The following KIRREL3 variants were observed in gnomAD, a reference collection of about 807,000 sequenced individuals.
KIRREL3 encodes the protein kin of IRRE-like protein 3.
In KIRREL3, 36 loss-of-function variants were observed where a neutral mutation model predicts 89.7. The observed-to-expected ratio is 0.40, with a 90% confidence interval of 0.31 to 0.53. KIRREL3 has a LOEUF of 0.53. KIRREL3 is among the 20% of genes least tolerant of loss of function. KIRREL3 has a pLI of 0.49. For synonymous variants in KIRREL3, 445 were observed against 441.4 expected (o/e 1.01, Z -0.10); for missense variants, 864 against 1,056.6 (o/e 0.82, Z 2.53).
chr11:126,490,658 G>A lies in KIRREL3; in HGVS notation c.434-17192C>T, dbSNP rs1957487035. Among the ~76,000 whole-genome samples the A allele has an allele frequency of 6.6e-6, 1 of 152,210 alleles. No individual in the cohort carries two copies. Among genetic ancestry groups the A allele is most frequent in the Non-Finnish European group, 1.5e-5 (1 of 68,052 alleles). ...ATAAAATAAGAGGGATAATAATTCTGTGAAGGTTAGGAGAAGTTCCATGGG... is the reference window on the plus strand; with the variant it reads ...ATAAAATAAGAGGGATAATAATTCTATGAAGGTTAGGAGAAGTTCCATGGG... On this transcript the variant is annotated intron_variant, in intron 4 of 16. Coordinates refer to ENST00000525144, the MANE Select transcript of KIRREL3 (RefSeq NM_032531.4). This position sits in a 1 kb window ranked among gnomAD's most constrained non-coding sequence, Gnocchi z 4.2.
At chr11:126,986,082 TGGGGATGCACACA>T (rs1424962910) in intron 1 of KIRREL3, among the ~76,000 whole-genome samples, 1 of 152,136 alleles carries the variant, frequency 6.6e-6, no homozygotes, top group African/African-American at 2.4e-5. Context: ...CTCAGCCACC[TGGGGATGCACACA>T]GGGTGTACAC....
chr11:126,501,000 T>G (rs1280240026), intron 4 of KIRREL3, among the ~76,000 whole-genome samples: 1 of 152,222 alleles, frequency 6.6e-6, no homozygotes, highest in African/African-American at 2.4e-5. Context: ...ATGTCAGCCT[T>G]TCCCCTTCTG....
At chr11:126,784,020 C>T (rs1452309448) in intron 1 of KIRREL3, among the ~76,000 whole-genome samples, 5 of 152,196 alleles carry the variant, frequency 3.3e-5, no homozygotes, top group East Asian at 3.9e-4. Context: ...AAATCCCCAT[C>T]GAGGGACACT....
chr11:126,813,833 C>T (rs1210388580), intron 1 of KIRREL3, among the ~76,000 whole-genome samples: 2 of 151,042 alleles, frequency 1.3e-5, no homozygotes, highest in African/African-American at 2.4e-5. Flanking sequence ...TAGGCAATAC[C>T]ATTCAGAACA....
In KIRREL3 at chr11:126,834,711, C is replaced by T. The variant is rs141555735; in HGVS notation, c.55+165744G>A. On this transcript the variant is annotated intron_variant, in intron 1 of 16. Coordinates refer to ENST00000525144, the MANE Select transcript of KIRREL3 (RefSeq NM_032531.4). Reference sequence around the variant, plus strand: ...CAACATCCTTGAAGGCCTTCCTCACCGGCGCACCTCATGCTGGACTGCATA... The same window carrying T: ...CAACATCCTTGAAGGCCTTCCTCACTGGCGCACCTCATGCTGGACTGCATA... 8.5e-5 allele frequency among the ~76,000 whole-genome samples: 13 copies of T among 152,332 alleles called. No homozygotes were observed. In the East Asian group the frequency reaches 1.9e-3, roughly 23 times the overall value.
chr11:126,760,418 A>T (rs546216644), intron 1 of KIRREL3, among the ~76,000 whole-genome samples: 2 of 152,304 alleles, frequency 1.3e-5, no homozygotes, highest in South Asian at 2.1e-4. Flanking sequence ...TTCAGTTCGC[A>T]TTTCTGGGAA....
intron 1 of KIRREL3, among the ~76,000 whole-genome samples, chr11:126,799,411 TGTGCGTCTCTG>T: frequency 1.5e-5 from 2 of 129,938 alleles, no homozygotes; most frequent in African/African-American, 3.0e-5. Flanking sequence ...TCTATCTGTG[TGTGCGTCTCTG>T]TGTGCATGTG....
intron 1 of KIRREL3, among the ~76,000 whole-genome samples, chr11:126,588,583 C>T (rs575680426): frequency 3.9e-5 from 6 of 152,282 alleles, no homozygotes; most frequent in East Asian, 1.9e-4. Context: ...GCCTTGCACG[C>T]GCCCTGGGCA....
At position 126,523,766 on chromosome 11, in the gene KIRREL3, C is replaced by T. The variant is rs1313468756; in HGVS notation, c.284-2302G>A. Among the ~76,000 whole-genome samples, 1 of 152,186 alleles carries T rather than the reference C, an allele frequency of 6.6e-6. No homozygotes were observed. The highest frequency in any genetic ancestry group is 2.4e-5 in the African/African-American group (1 of 41,456). ...CTGGCTACCCCCAGCCCCTCCAGCC[C>T]AGCCTCTGGATCCCACTATCCTGTG... On this transcript the variant is annotated intron_variant, in intron 3 of 16. Transcript: ENST00000525144. The surrounding 1 kb of genome is among the most constrained non-coding windows in gnomAD (Gnocchi z 4.9).
rs1948415523 is a variant in KIRREL3 at position 126,940,799 on chromosome 11, C to A, written c.55+59656G>T. On this transcript the variant is annotated intron_variant, in intron 1 of 16. Coordinates refer to ENST00000525144, the MANE Select transcript of KIRREL3 (RefSeq NM_032531.4). The surrounding 1 kb of genome is among the most constrained non-coding windows in gnomAD (Gnocchi z 4.6). ...CCTCTGTAGGCAGTAATTCTTTTTT[C>A]TTTTCTTTCTTTTTTTTTTCTTTTG... 6.6e-6 allele frequency: 1 copy of A among 151,944 alleles called. No homozygotes were observed. The highest frequency in any genetic ancestry group is 1.5e-5 in the Non-Finnish European group (1 of 67,984). 9.4% of individuals were successfully genotyped at this position (151,944 alleles called of 1,614,324 possible).
At chr11:126,726,481 C>G (rs7112083) in intron 1 of KIRREL3, among the ~76,000 whole-genome samples, 57,558 of 152,054 alleles carry the variant, frequency 0.38, 11,326 homozygotes, top group Non-Finnish European at 0.43. Context: ...GATTCTCCTG[C>G]CTCAGCTTCC....
intron 1 of KIRREL3, among the ~76,000 whole-genome samples, chr11:126,789,983 C>T (rs1177538925): frequency 6.6e-6 from 1 of 152,188 alleles, no homozygotes; most frequent in Non-Finnish European, 1.5e-5. Flanking sequence ...CATAGGACCT[C>T]AAAACGACAC....
chr11:126,794,549 A>G (rs1033466142), intron 1 of KIRREL3, among the ~76,000 whole-genome samples: 1 of 152,256 alleles, frequency 6.6e-6, no homozygotes, highest in African/African-American at 2.4e-5. Context: ...AACATGTCCA[A>G]TAATATTGAT....
At chr11:126,448,676 C>T (rs1378163877) in intron 8 of KIRREL3, among the ~76,000 whole-genome samples, 1 of 152,140 alleles carries the variant, frequency 6.6e-6, no homozygotes, top group Non-Finnish European at 1.5e-5. Context: ...CCATGGGATG[C>T]CACAGCAAGA....
intron 1 of KIRREL3, among the ~76,000 whole-genome samples, chr11:126,646,224 T>C (rs1944663874): frequency 6.6e-6 from 1 of 152,312 alleles, no homozygotes; most frequent in East Asian, 1.9e-4. Context: ...GTTTGTGCTC[T>C]AGCATCTGTG....
At chr11:126,833,902 C>T (rs2134497627) in intron 1 of KIRREL3, among the ~76,000 whole-genome samples, 2 of 152,324 alleles carry the variant, frequency 1.3e-5, no homozygotes, top group Middle Eastern at 3.4e-3. Flanking sequence ...CTGCTGCTTC[C>T]TAAAGCTTTA....
At chr11:126,451,590 G>C (rs1054130880) in intron 7 of KIRREL3, among the ~76,000 whole-genome samples, 2 of 150,830 alleles carry the variant, frequency 1.3e-5, no homozygotes, top group African/African-American at 4.9e-5. Context: ...GTGCGTGTGT[G>C]TACATGTGTG....
chr11:126,907,396 T>A (rs1271677104), intron 1 of KIRREL3, among the ~76,000 whole-genome samples: 1 of 152,130 alleles, frequency 6.6e-6, no homozygotes, highest in African/African-American at 2.4e-5. Flanking sequence ...AAGGCTGCGA[T>A]AGAGAGGAAA....
In KIRREL3 at chr11:126,948,750, G is replaced by A. The variant is rs537017477; in HGVS notation, c.55+51705C>T. ...ACGCCATCCATAGGGTAAACAAAGTGGTACAATGGTTAGTTCAACTCCAGC... is the reference window on the plus strand; with the variant it reads ...ACGCCATCCATAGGGTAAACAAAGTAGTACAATGGTTAGTTCAACTCCAGC... On this transcript the variant is annotated intron_variant, in intron 1 of 16. Transcript: ENST00000525144. This position sits in a 1 kb window ranked among gnomAD's most constrained non-coding sequence, Gnocchi z 4.5. 6.6e-6 allele frequency among the ~76,000 whole-genome samples: 1 copy of A among 152,254 alleles called. No homozygotes were observed. Among genetic ancestry groups the A allele is most frequent in the Middle Eastern group, 3.4e-3 (1 of 294 alleles).
Sources: allele counts gnomAD v4.1 joint callset (sites outside exome capture counted in the v4.1 genomes callset), GRCh38; gene constraint gnomAD v4.1.1; non-coding constraint Gnocchi (gnomAD v3.1); transcripts MANE v1.5; gene names NCBI Gene and HGNC (gene_info 2026-07-23, HGNC 2026-07-21).